The following PCDH15 variants were observed in gnomAD, a reference collection of about 807,000 sequenced individuals.
The protein encoded by PCDH15 is protocadherin related 15, also known as protocadherin-15.
Under a neutral mutation model 178.5 loss-of-function variants are expected in PCDH15, and 129 were observed. The observed-to-expected ratio is 0.72, with a 90% CI of 0.63 to 0.84. The LOEUF (loss-of-function observed/expected upper bound fraction) is 0.84, where lower values mean the gene tolerates loss of function less well. Among genes scored for constraint, PCDH15 ranks in the 40% least tolerant of loss-of-function variants. PCDH15 has a pLI of 0.00. For missense variants in PCDH15, 2,230 were observed against 2,099.9 expected, an observed-to-expected ratio of 1.06 and a Z score of -1.21; for synonymous variants, 800 against 732.0, an observed-to-expected ratio of 1.09 and a Z score of -1.50.
intron 2 of PCDH15, among the ~76,000 whole-genome samples, chr10:55,080,599 C>T (rs1205398530): frequency 6.6e-6 from 1 of 152,080 alleles, no homozygotes; most frequent in Non-Finnish European, 1.5e-5. Flanking sequence ...GTAATTGCAG[C>T]ATTGTTTGGA....
chr10:55,495,807 A>T (rs2132133174), intron 2 of PCDH15, among the ~76,000 whole-genome samples: 1 of 152,064 alleles, frequency 6.6e-6, no homozygotes, highest in East Asian at 1.9e-4. Flanking sequence ...ATTATTCATG[A>T]TAACCAAAGA....
intron 2 of PCDH15, among the ~76,000 whole-genome samples, chr10:55,479,444 C>T (rs1444845928): frequency 1.3e-5 from 2 of 151,634 alleles, no homozygotes; most frequent in African/African-American, 4.8e-5. Context: ...ATCAACATCC[C>T]TTATGATAAC....
chr10:54,797,538 ACACACACACACACG>A (rs1399386035), intron 1 of PCDH15, among the ~76,000 whole-genome samples: 1 of 151,466 alleles, frequency 6.6e-6, no homozygotes, highest in Non-Finnish European at 1.5e-5. Context: ...ACACACACAC[ACACACACACACACG>A]ATCATCTTAG....
chr10:55,550,566 T>A (rs2132087314), intron 2 of PCDH15, among the ~76,000 whole-genome samples: 1 of 152,276 alleles, frequency 6.6e-6, no homozygotes, highest in South Asian at 2.1e-4. Context: ...GCCAAGTGTC[T>A]AAATGTATAT....
chr10:54,831,101 T>C (rs1953218505), intron 3 of PCDH15, among the ~76,000 whole-genome samples: 1 of 152,124 alleles, frequency 6.6e-6, no homozygotes, highest in Admixed American at 6.6e-5. Context: ...CTTAATTTAA[T>C]AAATTCTAAT....
chr10:54,418,817 T>G, intron 3 of PCDH15, among the ~76,000 whole-genome samples: 1 of 151,900 alleles, frequency 6.6e-6, no homozygotes, highest in Non-Finnish European at 1.5e-5. Context: ...TAGGTAAAAA[T>G]ATAAAAATTT....
intron 15 of PCDH15, among the ~76,000 whole-genome samples, chr10:54,105,351 C>T (rs2094899035): frequency 6.8e-6 from 1 of 148,060 alleles, no homozygotes; most frequent in African/African-American, 2.5e-5. Context: ...CACACACACA[C>T]ACACATACAC....
At chr10:55,360,460 A>G (rs1251408732) in intron 2 of PCDH15, among the ~76,000 whole-genome samples, 2 of 151,958 alleles carry the variant, frequency 1.3e-5, no homozygotes, top group Non-Finnish European at 2.9e-5. Context: ...GACAAGCCAC[A>G]GAATGGGAGG....
Position 54,345,664 on chromosome 10 carries a change from G to A in PCDH15, c.594+701C>T, listed in dbSNP as rs184318228. Among the ~76,000 whole-genome samples the A allele has an allele frequency of 8.3e-3, 1,262 of 151,646 alleles. 24 individuals are homozygous for A. Among genetic ancestry groups the A allele is most frequent in the African/African-American group, 0.029 (1,209 of 41,408 alleles). On this transcript the variant is annotated intron_variant, in intron 6 of 37. Coordinates refer to ENST00000644397, the MANE Select transcript of PCDH15 (RefSeq NM_001384140.1). ...TGGGAGGCCGAGGCAGGCGGATCAC[G>A]AGGTCAGGAGATTGAGACCATCCTG...
intron 2 of PCDH15, among the ~76,000 whole-genome samples, chr10:55,529,798 A>G (rs891276930): frequency 1.4e-5 from 2 of 138,642 alleles, no homozygotes; most frequent in Non-Finnish European, 3.1e-5. Context: ...ACAAATACAT[A>G]TATGTTTTTG....
chr10:54,042,554 C>T (rs1049795454), intron 18 of PCDH15, among the ~76,000 whole-genome samples: 3 of 150,546 alleles, frequency 2.0e-5, no homozygotes, highest in African/African-American at 7.5e-5. Flanking sequence ...GCAGAGGTAA[C>T]AACAAGTACA....
At chr10:54,478,507 C>G (rs549127995) in intron 3 of PCDH15, among the ~76,000 whole-genome samples, 1 of 152,140 alleles carries the variant, frequency 6.6e-6, no homozygotes, top group East Asian at 1.9e-4. Flanking sequence ...CTATCTCATT[C>G]CTTTAAGCCA....
chr10:54,014,311 T>C (rs968951290), intron 20 of PCDH15, among the ~76,000 whole-genome samples: 1 of 148,828 alleles, frequency 6.7e-6, no homozygotes, highest in African/African-American at 2.5e-5. Context: ...CAGGACCAGT[T>C]AGATTCACAG....
At chr10:55,157,854 A>G (rs1403329000) in intron 2 of PCDH15, among the ~76,000 whole-genome samples, 2 of 152,012 alleles carry the variant, frequency 1.3e-5, no homozygotes, top group Admixed American at 6.6e-5. Flanking sequence ...TACCTAATGT[A>G]AATGACGAGT....
intron 21 of PCDH15, among the ~76,000 whole-genome samples, chr10:53,969,135 A>C (rs935911236): frequency 6.6e-6 from 1 of 152,196 alleles, no homozygotes; most frequent in Non-Finnish European, 1.5e-5. Context: ...ATGGCTAACT[A>C]GAATAAACAG....
chr10:54,026,423 CA>C (rs1181610128), intron 18 of PCDH15, among the ~76,000 whole-genome samples: 2 of 152,048 alleles, frequency 1.3e-5, no homozygotes, highest in African/African-American at 2.4e-5. Context: ...AGCAGACTGA[CA>C]GTAAATGCTA....
intron 25 of PCDH15, among the ~76,000 whole-genome samples, chr10:53,922,775 T>C (rs2084108247): frequency 6.6e-6 from 1 of 152,164 alleles, no homozygotes. Flanking sequence ...TATCCAACTT[T>C]CTTGTGTATT....
intron 3 of PCDH15, among the ~76,000 whole-genome samples, chr10:54,388,304 C>G (rs368659183): frequency 3.9e-5 from 6 of 152,240 alleles, no homozygotes; most frequent in East Asian, 1.9e-4. Context: ...GTTGTCAAAG[C>G]GTTCAACTTC....
At chr10:55,013,379 T>TAAAATTTCTGCAAG (rs1357539061) in intron 2 of PCDH15, among the ~76,000 whole-genome samples, 1 of 152,200 alleles carries the variant, frequency 6.6e-6, no homozygotes, top group African/African-American at 2.4e-5. Flanking sequence ...TATCAAAATC[T>TAAAATTTCTGCAAG]AAAATTTCTG....
Sources: allele counts gnomAD v4.1 joint callset (sites outside exome capture counted in the v4.1 genomes callset), GRCh38; gene constraint gnomAD v4.1.1; transcripts MANE v1.5; gene names NCBI Gene and HGNC (gene_info 2026-07-23, HGNC 2026-07-21).